The following PCDHGA6 variants were observed in gnomAD, a reference collection of about 807,000 sequenced individuals.
The protein encoded by PCDHGA6 is protocadherin gamma subfamily A, 6, also known as protocadherin gamma-A6.
Under a neutral mutation model 60.6 loss-of-function variants are expected in PCDHGA6, and 41 were observed. That is an observed-to-expected ratio of 0.68 (90% CI 0.53 to 0.88). The LOEUF is 0.88. Ranked by LOEUF, PCDHGA6 falls within the 40% of genes least tolerant of loss-of-function variation. The pLI, the probability that PCDHGA6 is intolerant of heterozygous loss-of-function variation, is 0.00. For missense variants in PCDHGA6, 1,312 were observed against 1,203.0 expected, an observed-to-expected ratio of 1.09 and a Z score of -1.34; for synonymous variants, 594 against 524.4, an observed-to-expected ratio of 1.13 and a Z score of -1.81.
chr5:141,494,142 A>G (rs2099752161), intron 1 of PCDHGA6, among the ~76,000 whole-genome samples: 1 of 152,090 alleles, frequency 6.6e-6, no homozygotes, highest in South Asian at 2.1e-4. Context: ...TTAGTCACAG[A>G]CCATTGTCTG....
chr5:141,377,605 C>CAAAAAA (rs71576112), intron 1 of PCDHGA6: 1 of 140,678 alleles, frequency 7.1e-6, no homozygotes. Flanking sequence ...CTCTCTCTCT[C>CAAAAAA]AAAAAAAAAA....
intron 1 of PCDHGA6, among the ~76,000 whole-genome samples, chr5:141,380,766 T>C (rs1403335185): frequency 1.3e-5 from 2 of 152,224 alleles, no homozygotes; most frequent in Admixed American, 1.3e-4. Context: ...TATAAATTAA[T>C]TGAGACTTTT....
chr5:141,415,740 GTTTTTTTTTTTT>G lies in PCDHGA6; in HGVS notation c.2424+39254_2424+39265del, dbSNP rs57426385. ...TGAGTAGAATTTGATGTTTATTAAGGTTTTTTTTTTTTTTTTTTTTTTTTTTTTTTTTACTTT... is the reference window on the plus strand; with the variant it reads ...TGAGTAGAATTTGATGTTTATTAAGGTTTTTTTTTTTTTTTTTTTTACTTT... On this transcript the variant is annotated intron_variant, in intron 1 of 3. Transcript: ENST00000517434. The G allele has an allele frequency of 5.3e-4, 329 of 624,896 alleles. 2 individuals are homozygous for G. Among genetic ancestry groups the G allele is most frequent in the African/African-American group, 1.2e-3 (49 of 39,888 alleles). The allele number at this position is 624,896 out of a possible 1,614,324, so 38.7% of individuals were successfully genotyped here.
intron 1 of PCDHGA6, among the ~76,000 whole-genome samples, chr5:141,445,077 T>C (rs778919022): frequency 5.9e-5 from 9 of 152,242 alleles, no homozygotes; most frequent in Non-Finnish European, 1.2e-4. Flanking sequence ...CTCATTAAAT[T>C]GTCCCTACAT....
chr5:141,374,114 A>G lies in PCDHGA6; in HGVS notation c.31A>G (p.Ser11Gly). The change falls in exon 1 of 4, where the codon AGC becomes GGC. Residue 11 changes from serine (S) to glycine (G), a missense_variant. Coordinates refer to ENST00000517434, the MANE Select transcript of PCDHGA6 (RefSeq NM_018919.3). MAPPQRHPQR[S>G]EQVLLLTLLG... ...GCCTCCGCAGAGGCATCCGCAGCGC[A>G]GCGAGCAGGTCCTGCTCCTCACGCT... 1 of 1,580,920 alleles carries G rather than the reference A, an allele frequency of 6.3e-7. No homozygotes were observed. Among genetic ancestry groups the G allele is most frequent in the Non-Finnish European group, 8.6e-7 (1 of 1,161,208 alleles).
At position 141,421,139 on chromosome 5, in the gene PCDHGA6, A is replaced by T. The variant is rs2096548615; in HGVS notation, c.2424+44632A>T. Reference sequence around the variant, plus strand: ...TCCTTCGCTTTCTGATATATTTTGGATGTAGTCGGCCTAGGACTTCATAGA... The same window carrying T: ...TCCTTCGCTTTCTGATATATTTTGGTTGTAGTCGGCCTAGGACTTCATAGA... On this transcript the variant is annotated intron_variant, in intron 1 of 3. Transcript: ENST00000517434. 5 of 913,574 alleles carry T rather than the reference A, an allele frequency of 5.5e-6. No individual in the cohort carries two copies. The South Asian group carries it at 8.8e-5, about 16-fold the overall frequency. 56.6% of individuals were successfully genotyped at this position (913,574 alleles called of 1,614,324 possible). A position where few individuals can be genotyped will look rare whatever the true frequency, so the allele number is the denominator to read the frequency against.
At chr5:141,495,652 T>C (rs1403816239) in intron 2 of PCDHGA6, among the ~76,000 whole-genome samples, 2 of 152,336 alleles carry the variant, frequency 1.3e-5, no homozygotes, top group Admixed American at 6.5e-5. Context: ...CTACTTGCAT[T>C]GATCTGTGCC....
chr5:141,375,250 T>C lies in PCDHGA6; in HGVS notation c.1167T>C (p.Ser389=), dbSNP rs1771286937. ...TGGTAACCTGTTCCATCCCGAGAAG[T>C]CTCCCATTTGAATTGGAAAAATCAG... is the stretch of plus-strand genomic sequence containing the variant. ...NGLVTCSIPR[S]LPFELEKSVG... The change falls in exon 1 of 4, where the codon AGT becomes AGC. Residue 389 remains serine, a synonymous_variant. Transcript: ENST00000517434. 1.9e-6 allele frequency: 3 copies of C among 1,613,664 alleles called. No individual in the cohort carries two copies. Among genetic ancestry groups the C allele is most frequent in the Non-Finnish European group, 2.5e-6 (3 of 1,179,872 alleles).
rs1421541308 is a variant in PCDHGA6 at position 141,409,559 on chromosome 5, G to C, written c.2424+33052G>C. On this transcript the variant is annotated intron_variant, in intron 1 of 3. Coordinates refer to ENST00000517434, the MANE Select transcript of PCDHGA6 (RefSeq NM_018919.3). The stretch of plus-strand genomic sequence containing the variant: ...CATCAACGACAACGCCCCAGTTTTC[G>C]ACCAGACGTCCTACGTGGTCCACGT... The C allele has an allele frequency of 1.9e-6, 3 of 1,613,936 alleles. No individual in the cohort carries two copies. The highest frequency in any genetic ancestry group is 1.7e-6 in the Non-Finnish European group (2 of 1,179,910).
chr5:141,400,028 C>T (rs2093943957), intron 1 of PCDHGA6: 1 of 1,613,054 alleles, frequency 6.2e-7, no homozygotes. Context: ...AGGGACGCGG[C>T]CCGCCAGCGC....
chr5:141,503,556 G>A (rs1021346255), intron 2 of PCDHGA6, among the ~76,000 whole-genome samples: 1 of 145,962 alleles, frequency 6.9e-6, no homozygotes, highest in East Asian at 2.0e-4. Context: ...CCGAGATCGC[G>A]CCACTGTACT....
At position 141,493,356 on chromosome 5, in the gene PCDHGA6, C is replaced by A. The variant is rs1303319550; in HGVS notation, c.2425-1451C>A. Among the ~76,000 whole-genome samples, 1 of 152,182 alleles carries A rather than the reference C, an allele frequency of 6.6e-6. No individual in the cohort carries two copies. The highest frequency in any genetic ancestry group is 2.4e-5 in the African/African-American group (1 of 41,438). On this transcript the variant is annotated intron_variant, in intron 1 of 3. Transcript: ENST00000517434. This position sits in a 1 kb window ranked among gnomAD's most constrained non-coding sequence, Gnocchi z 4.3. ...ACTCCAGAATGTGTGCTTTTAATTT[C>A]TTGGCACTTGGAACTTTAAAAGCTT...
intron 1 of PCDHGA6, chr5:141,387,914 G>A (rs1379719736): frequency 1.5e-5 from 22 of 1,487,626 alleles, no homozygotes; most frequent in Non-Finnish European, 1.8e-5. Context: ...AGCTGGGCCG[G>A]GCTGAGAGGC....
rs1013436249 is a variant in PCDHGA6 at position 141,374,021 on chromosome 5, CA to C, written c.-59del. 5.0e-6 allele frequency: 7 copies of C among 1,406,050 alleles called. No individual in the cohort carries two copies. Among genetic ancestry groups the C allele is most frequent in the Non-Finnish European group, 6.5e-6 (7 of 1,071,710 alleles). 87.1% of individuals were successfully genotyped at this position (1,406,050 alleles called of 1,614,324 possible). On this transcript the variant is annotated 5_prime_UTR_variant, in exon 1 of 4. Coordinates refer to ENST00000517434, the MANE Select transcript of PCDHGA6 (RefSeq NM_018919.3). ...CCTTCACCGCTATTTCTGAGAAGAG[CA>C]AAAGTGATGCAGATCTGTTCTTCCT...
intron 1 of PCDHGA6, among the ~76,000 whole-genome samples, chr5:141,482,800 G>A (rs10052648): frequency 7.6e-6 from 1 of 130,764 alleles, no homozygotes; most frequent in South Asian, 2.2e-4. Flanking sequence ...GGCCGGGTAC[G>A]GTGGCTCATG....
At position 141,512,161 on chromosome 5, in the gene PCDHGA6, G is replaced by A. The variant is rs1176664723; in HGVS notation, c.*988G>A. On this transcript the variant is annotated 3_prime_UTR_variant, in exon 4 of 4. Transcript: ENST00000517434. ...AGCCAGCTTTGGGCTGAGCTAACAGGACCAATGGATTAAACTGGCATTTCA... is the reference window on the plus strand; with the variant it reads ...AGCCAGCTTTGGGCTGAGCTAACAGAACCAATGGATTAAACTGGCATTTCA... The A allele has an allele frequency of 6.5e-6, 1 of 152,704 alleles. No homozygotes were observed. Among genetic ancestry groups the A allele is most frequent in the African/African-American group, 2.4e-5 (1 of 41,440 alleles). 9.5% of individuals were successfully genotyped at this position (152,704 alleles called of 1,614,324 possible). A position where few individuals can be genotyped will look rare whatever the true frequency, so the allele number is the denominator to read the frequency against.
intron 1 of PCDHGA6, chr5:141,383,627 C>G: frequency 1.2e-6 from 2 of 1,613,952 alleles, no homozygotes; most frequent in South Asian, 1.1e-5. Context: ...CCTGTCTTCT[C>G]TCTGCCTCAG....
Position 141,422,468 on chromosome 5 carries a change from A to T in PCDHGA6, c.2424+45961A>T, listed in dbSNP as rs555211298. On this transcript the variant is annotated intron_variant, in intron 1 of 3. Transcript: ENST00000517434. ...ATAACAAGCAGAGTGCTGGACAGGG[A>T]GTTGGTCCAGAGCTACAATATAACG... 59 of 1,613,640 alleles carry T rather than the reference A, an allele frequency of 3.7e-5. No homozygotes were observed. In the South Asian group the frequency reaches 4.7e-4, roughly 13 times the overall value.
chr5:141,381,826 CTTTTTTTTTTT>C (rs770630741), intron 1 of PCDHGA6, among the ~76,000 whole-genome samples: 18 of 74,294 alleles, frequency 2.4e-4, no homozygotes, highest in African/African-American at 9.9e-4. Flanking sequence ...CTTTCTTCTT[CTTTTTTTTTTT>C]TTTTTTTTTT....
Sources: allele counts gnomAD v4.1 joint callset (sites outside exome capture counted in the v4.1 genomes callset), GRCh38; gene constraint gnomAD v4.1.1; non-coding constraint Gnocchi (gnomAD v3.1); transcripts MANE v1.5; gene names NCBI Gene and HGNC (gene_info 2026-07-23, HGNC 2026-07-21).